Variants in CREB5 observed in about 807,000 individuals in gnomAD.
CREB5 encodes the protein cAMP responsive element binding protein 5.
Under a neutral mutation model 57.1 loss-of-function variants are expected in CREB5, and 19 were observed. The ratio of observed to expected loss-of-function variants is 0.33; its 90% CI spans 0.23 to 0.49. The LOEUF (loss-of-function observed/expected upper bound fraction) is 0.49. Among genes scored for constraint, CREB5 ranks in the 20% least tolerant of loss-of-function variants. The pLI, the probability that CREB5 is intolerant of heterozygous loss-of-function variation, is 0.99. For missense variants in CREB5, 579 were observed against 671.6 expected, an observed-to-expected ratio of 0.86 and a Z score of 1.52; for synonymous variants, 238 against 238.3, an observed-to-expected ratio of 1.00 and a Z score of 0.01.
chr7:28,774,216 A>G (rs980262652), intron 7 of CREB5, among the ~76,000 whole-genome samples: 1 of 152,228 alleles, frequency 6.6e-6, no homozygotes, highest in South Asian at 2.1e-4. Context: ...TCACATTTCC[A>G]GAATTTCAAC....
intron 1 of CREB5, among the ~76,000 whole-genome samples, chr7:28,462,350 A>T (rs1166423790): frequency 3.5e-4 from 53 of 152,164 alleles, no homozygotes. Context: ...CTTTTTGGCT[A>T]TTACAAATAA....
At chr7:28,435,076 A>T (rs1030664268) in intron 1 of CREB5, among the ~76,000 whole-genome samples, 1 of 146,116 alleles carries the variant, frequency 6.8e-6, no homozygotes, top group African/African-American at 2.5e-5. Flanking sequence ...TGGAATTATC[A>T]CCTAGGCCAC....
At chr7:28,658,711 A>C (rs1463712403) in intron 5 of CREB5, among the ~76,000 whole-genome samples, 2 of 152,062 alleles carry the variant, frequency 1.3e-5, no homozygotes, top group Non-Finnish European at 2.9e-5. Context: ...GAGCTGATCA[A>C]ATCAAGGGGT....
At chr7:28,735,133 A>AT (rs1240738686) in intron 7 of CREB5, among the ~76,000 whole-genome samples, 1 of 151,358 alleles carries the variant, frequency 6.6e-6, no homozygotes, top group Non-Finnish European at 1.5e-5. Context: ...TTGTGTGTGG[A>AT]TTTTTTGTTT....
intron 5 of CREB5, among the ~76,000 whole-genome samples, chr7:28,581,306 G>T (rs1474620403): frequency 6.6e-6 from 1 of 152,162 alleles, no homozygotes; most frequent in Non-Finnish European, 1.5e-5. Context: ...TATTCCTCCA[G>T]CCTTCTTTAG....
At chr7:28,338,493 A>G (rs1321139723) in intron 1 of CREB5, among the ~76,000 whole-genome samples, 1 of 152,120 alleles carries the variant, frequency 6.6e-6, no homozygotes, top group Non-Finnish European at 1.5e-5. Flanking sequence ...TGCCAGATGT[A>G]TTGAAGCTCC....
intron 1 of CREB5, among the ~76,000 whole-genome samples, chr7:28,363,667 A>G (rs963484864): frequency 6.6e-6 from 1 of 152,068 alleles, no homozygotes; most frequent in Non-Finnish European, 1.5e-5. Flanking sequence ...CCTTATTCAC[A>G]GTACAGTGCC....
At chr7:28,809,542 C>A in intron 9 of CREB5, 128 bp downstream of exon 9, 1 of 800,508 alleles carries the variant, frequency 1.2e-6, no homozygotes, top group African/African-American at 1.7e-5. Flanking sequence ...AGCCGCAGCC[C>A]CACTCCTCGA....
chr7:28,523,830 A>G (rs1372520077), intron 4 of CREB5, among the ~76,000 whole-genome samples: 5 of 152,100 alleles, frequency 3.3e-5, no homozygotes, highest in Admixed American at 6.5e-5. Context: ...ACCTGATGCA[A>G]TCTTGATCTT....
intron 7 of CREB5, among the ~76,000 whole-genome samples, chr7:28,765,251 C>T (rs938777101): frequency 2.6e-5 from 4 of 152,154 alleles, no homozygotes; most frequent in African/African-American, 4.8e-5. Context: ...GGCTCACAGT[C>T]TGGTGTGGTA....
At chr7:28,455,832 G>A (rs575981732) in intron 1 of CREB5, among the ~76,000 whole-genome samples, 38 of 152,236 alleles carry the variant, frequency 2.5e-4, no homozygotes, top group Non-Finnish European at 4.6e-4. Flanking sequence ...CTCTGGCCAA[G>A]AGGGTTGGGT....
intron 1 of CREB5, among the ~76,000 whole-genome samples, chr7:28,423,588 T>C (rs2128011467): frequency 6.6e-6 from 1 of 151,788 alleles, no homozygotes; most frequent in Admixed American, 6.6e-5. Context: ...GTGGGGAAGA[T>C]GGAGTCAGGA....
intron 1 of CREB5, among the ~76,000 whole-genome samples, chr7:28,445,842 C>T (rs149461845): frequency 5.3e-4 from 80 of 152,312 alleles, no homozygotes; most frequent in South Asian, 4.8e-3. Flanking sequence ...TGAGCCACTG[C>T]GCCCGGCCTA....
chr7:28,565,831 G>T (rs1001264218), intron 4 of CREB5, among the ~76,000 whole-genome samples: 9 of 152,274 alleles, frequency 5.9e-5, no homozygotes, highest in African/African-American at 2.2e-4. Context: ...TGAGGCAGGA[G>T]AATCGCTTGA....
chr7:28,441,521 G>A (rs1789183432), intron 1 of CREB5, among the ~76,000 whole-genome samples: 1 of 152,142 alleles, frequency 6.6e-6, no homozygotes, highest in South Asian at 2.1e-4. Context: ...GAGGATTAAA[G>A]AAGCTAATAT....
chr7:28,614,119 C>T (rs1412716893), intron 5 of CREB5, among the ~76,000 whole-genome samples: 1 of 152,102 alleles, frequency 6.6e-6, no homozygotes, highest in Non-Finnish European at 1.5e-5. Flanking sequence ...AACCCCACAC[C>T]CAGCTAATTT....
chr7:28,806,980 C>T (rs1009994262), intron 8 of CREB5, among the ~76,000 whole-genome samples: 2 of 152,210 alleles, frequency 1.3e-5, no homozygotes, highest in East Asian at 1.9e-4. Flanking sequence ...CTTTTCTTTG[C>T]AGTAGTTAGC....
chr7:28,772,948 T>A (rs910078764), intron 7 of CREB5, among the ~76,000 whole-genome samples: 3 of 152,184 alleles, frequency 2.0e-5, no homozygotes, highest in Non-Finnish European at 4.4e-5. Context: ...CTCCTAGATC[T>A]CAGGTTCATT....
chr7:28,333,310 T>C (rs1315238151), intron 1 of CREB5, among the ~76,000 whole-genome samples: 1 of 152,234 alleles, frequency 6.6e-6, no homozygotes, highest in Non-Finnish European at 1.5e-5. Context: ...ACATGAGATG[T>C]TTTGATATAG....
Sources: allele counts gnomAD v4.1 joint callset (sites outside exome capture counted in the v4.1 genomes callset), GRCh38; gene constraint gnomAD v4.1.1; transcripts MANE v1.5; gene names NCBI Gene and HGNC (gene_info 2026-07-23, HGNC 2026-07-21).